The following TPX2 variants were observed in gnomAD, a reference collection of about 807,000 sequenced individuals.
The protein encoded by TPX2 is targeting protein for Xklp2.
In TPX2, 21 loss-of-function variants were observed where a neutral mutation model predicts 93.6. The ratio of observed to expected loss-of-function variants is 0.22; its 90% CI spans 0.16 to 0.32. TPX2 has a LOEUF of 0.32. Among genes scored for constraint, TPX2 ranks in the 10% least tolerant of loss-of-function variants. The probability of loss-of-function intolerance (pLI) is 1.00; values close to 1 mark genes in which losing one functional copy is unlikely to be tolerated. For missense variants in TPX2, 776 were observed against 871.1 expected (o/e 0.89, Z 1.37); for synonymous variants, 281 against 298.3 (o/e 0.94, Z 0.60).
At chr20:31,743,327 C>A in intron 2 of TPX2, among the ~76,000 whole-genome samples, 1 of 152,224 alleles carries the variant, frequency 6.6e-6, no homozygotes, top group South Asian at 2.1e-4. Flanking sequence ...ACTTATAATA[C>A]TTAATACAAT....
rs1261730411 is a variant in TPX2, at chr20:31,775,946, A to G, written c.688A>G (p.Lys230Glu). ...KMQQEVVEMRKKNEEFKKLAL... is the reference protein window; with the variant it reads ...KMQQEVVEMREKNEEFKKLAL... The stretch of plus-strand genomic sequence containing the variant: ...GCAGCAAGAGGTGGTGGAGATGCGG[A>G]AAAAGAATGAAGAATTCAAGAAACT... The change falls in exon 8 of 18, where the codon AAA becomes GAA. Residue 230 changes from lysine (K) to glutamate (E), a missense_variant. Physicochemically the swap from Lys to Glu is moderately conservative, Grantham distance 56. Around this residue, in one of 3 missense-constraint regions of TPX2, gnomAD observed 279 missense variants for 261.6 expected, o/e 1.07. Transcript: ENST00000300403. 2 of 1,589,744 alleles carry G rather than the reference A, an allele frequency of 1.3e-6. No individual in the cohort carries two copies. Among genetic ancestry groups the G allele is most frequent in the African/African-American group, 2.7e-5 (2 of 74,320 alleles).
intron 2 of TPX2, among the ~76,000 whole-genome samples, chr20:31,747,765 G>A (rs918695561): frequency 2.8e-5 from 4 of 143,656 alleles, no homozygotes; most frequent in Admixed American, 1.4e-4. Flanking sequence ...GTTGACGCAT[G>A]TGCCTTTTTT....
intron 12 of TPX2, among the ~76,000 whole-genome samples, chr20:31,791,742 A>G (rs1462341300): frequency 1.3e-5 from 2 of 152,218 alleles, no homozygotes; most frequent in South Asian, 2.1e-4. Flanking sequence ...AGGTCTGGCA[A>G]TGAAACTTTA....
chr20:31,756,156 G>GT (rs2061850340), intron 2 of TPX2, among the ~76,000 whole-genome samples: 1 of 152,192 alleles, frequency 6.6e-6, no homozygotes, highest in Non-Finnish European at 1.5e-5. Flanking sequence ...CACCTTGATG[G>GT]TTGGATGGAT....
chr20:31,752,913 C>T (rs918680474), intron 2 of TPX2, among the ~76,000 whole-genome samples: 2 of 152,068 alleles, frequency 1.3e-5, no homozygotes, highest in Non-Finnish European at 2.9e-5. Flanking sequence ...TGAGCCTGGC[C>T]GCTTAGATCT....
At position 31,757,392 on chromosome 20, in the gene TPX2, C is replaced by A; in HGVS notation, c.-70-15C>A. On this transcript the variant is annotated splice_polypyrimidine_tract_variant and intron_variant, in intron 2 of 17. Coordinates refer to ENST00000300403, the MANE Select transcript of TPX2 (RefSeq NM_012112.5). ...GAATTTACTTAGATTTATGTGCAAC[C>A]ATTTCTTTCCTCAGAAGGTGACCTG... The A allele has an allele frequency of 1.9e-6, 2 of 1,075,446 alleles. No individual in the cohort carries two copies. Among genetic ancestry groups the A allele is most frequent in the Non-Finnish European group, 2.8e-6 (2 of 722,818 alleles). 66.6% of individuals were successfully genotyped at this position (1,075,446 alleles called of 1,614,324 possible).
rs1474167056 is a variant in TPX2, at chr20:31,747,185, A to G, written c.-71+4538A>G. Among the ~76,000 whole-genome samples the G allele has an allele frequency of 2.6e-5, 4 of 152,232 alleles. No individual in the cohort carries two copies. The Middle Eastern group carries it at 0.014, about 518-fold the overall frequency. On this transcript the variant is annotated intron_variant, in intron 2 of 17. Transcript: ENST00000300403. The stretch of plus-strand genomic sequence containing the variant: ...TCCCAGGCTGGAGTGCAGCGGTGCA[A>G]TCTCGGCTCACTGCAGCCTCCACCT...
intron 13 of TPX2, among the ~76,000 whole-genome samples, chr20:31,793,089 T>C (rs1237896719): frequency 6.6e-6 from 1 of 152,206 alleles, no homozygotes; most frequent in Non-Finnish European, 1.5e-5. Context: ...ATTGGAGGCT[T>C]GTCTGCTGTA....
chr20:31,773,999 G>A (rs2061980456), intron 7 of TPX2, among the ~76,000 whole-genome samples: 1 of 151,936 alleles, frequency 6.6e-6, no homozygotes, highest in Admixed American at 6.6e-5. Flanking sequence ...AGCCTCCCGA[G>A]TAGCTGGGAT....
At chr20:31,747,157 C>T (rs1328872859) in intron 2 of TPX2, among the ~76,000 whole-genome samples, 1 of 152,166 alleles carries the variant, frequency 6.6e-6, no homozygotes, top group Admixed American at 6.6e-5. Flanking sequence ...GAGTCTCGCT[C>T]TGTCCCAGGC....
intron 2 of TPX2, among the ~76,000 whole-genome samples, chr20:31,747,476 A>G (rs1177456057): frequency 1.3e-5 from 2 of 151,976 alleles, no homozygotes; most frequent in African/African-American, 4.8e-5. Flanking sequence ...CTATCTATCT[A>G]TCTATCGTTT....
chr20:31,741,842 T>C (rs1316846713), intron 1 of TPX2, among the ~76,000 whole-genome samples: 1 of 151,108 alleles, frequency 6.6e-6, no homozygotes, highest in Non-Finnish European at 1.5e-5. Flanking sequence ...CTCAAACTCC[T>C]TATCTCAGGT....
intron 6 of TPX2, 95 bp downstream of exon 6, chr20:31,770,566 A>ATAGATTAAAATTAAAAATGG: frequency 8.6e-7 from 1 of 1,164,280 alleles, no homozygotes; most frequent in Non-Finnish European, 1.1e-6. Context: ...TTTAGATTGA[A>ATAGATTAAAATTAAAAATGG]TAGATTAAAA....
chr20:31,741,729 T>C (rs2061754441), intron 1 of TPX2, among the ~76,000 whole-genome samples: 2 of 152,196 alleles, frequency 1.3e-5, no homozygotes, highest in African/African-American at 4.8e-5. Context: ...TCTGCCTGCC[T>C]CGGCCTCCCA....
At chr20:31,757,640 A>G in intron 3 of TPX2, 58 bp downstream of exon 3, 1 of 1,352,508 alleles carries the variant, frequency 7.4e-7, no homozygotes. Flanking sequence ...TGTGCTGAAG[A>G]CCTTTCAATA....
At chr20:31,799,138 C>G (rs1265892502) in intron 17 of TPX2, among the ~76,000 whole-genome samples, 1 of 152,172 alleles carries the variant, frequency 6.6e-6, no homozygotes, top group East Asian at 1.9e-4. Context: ...CCAGGTAATC[C>G]TCTACTAACA....
At chr20:31,745,745 C>T (rs187855632) in intron 2 of TPX2, among the ~76,000 whole-genome samples, 4 of 152,346 alleles carry the variant, frequency 2.6e-5, no homozygotes, top group Admixed American at 1.3e-4. Context: ...TTGTAATCTG[C>T]AGCCACACTG....
intron 3 of TPX2, among the ~76,000 whole-genome samples, chr20:31,759,464 G>A (rs954194714): frequency 6.7e-6 from 1 of 149,048 alleles, no homozygotes; most frequent in Admixed American, 6.7e-5. Context: ...CAGTGGTGCG[G>A]TCTCAGCTTA....
intron 4 of TPX2, among the ~76,000 whole-genome samples, chr20:31,763,575 A>G (rs1305631057): frequency 6.6e-6 from 1 of 152,042 alleles, no homozygotes; most frequent in Non-Finnish European, 1.5e-5. Flanking sequence ...CTCAGACTGT[A>G]ATTATGGATT....
Sources: allele counts gnomAD v4.1 joint callset (sites outside exome capture counted in the v4.1 genomes callset), GRCh38; gene constraint gnomAD v4.1.1; regional missense constraint gnomAD v4.1.1; transcripts MANE v1.5; gene names NCBI Gene and HGNC (gene_info 2026-07-23, HGNC 2026-07-21).